Variants in DNM3 observed in about 807,000 individuals in gnomAD.
The protein encoded by DNM3 is dynamin-3.
Under a neutral mutation model 101.6 loss-of-function variants are expected in DNM3, and 47 were observed. That is an observed-to-expected ratio of 0.46 (90% CI 0.37 to 0.59). The LOEUF (loss-of-function observed/expected upper bound fraction) is 0.59. Ranked by LOEUF, DNM3 falls within the 20% of genes least tolerant of loss-of-function variation. The probability of loss-of-function intolerance (pLI) is 0.00; values close to 1 mark genes in which losing one functional copy is unlikely to be tolerated. For synonymous variants in DNM3, 385 were observed against 387.9 expected (o/e 0.99, Z 0.09); for missense variants, 849 against 1,085.7 (o/e 0.78, Z 3.06).
chr1:172,384,556 T>A (rs929592210), intron 18 of DNM3, among the ~76,000 whole-genome samples: 1 of 152,232 alleles, frequency 6.6e-6, no homozygotes, highest in Non-Finnish European at 1.5e-5. Context: ...ATCCACAGCC[T>A]ATGCTCTGAA....
Position 172,411,336 on chromosome 1 carries a change from A to T in DNM3, c.*3495A>T. 3 of 985,152 alleles carry T rather than the reference A, an allele frequency of 3.0e-6. No individual in the cohort carries two copies. The highest frequency in any genetic ancestry group is 3.6e-6 in the Non-Finnish European group (3 of 829,692). 61.0% of individuals were successfully genotyped at this position (985,152 alleles called of 1,614,324 possible). On this transcript the variant is annotated 3_prime_UTR_variant, in exon 21 of 21. Coordinates refer to ENST00000627582, the MANE Select transcript of DNM3 (RefSeq NM_015569.5). Reference sequence around the variant, plus strand: ...TTACCATGACAACATGGTAATGTCCATAGACATTTGTATCTGAATCCACAA... The same window carrying T: ...TTACCATGACAACATGGTAATGTCCTTAGACATTTGTATCTGAATCCACAA...
chr1:172,303,427 G>C (rs2064577549), intron 15 of DNM3, among the ~76,000 whole-genome samples: 1 of 152,158 alleles, frequency 6.6e-6, no homozygotes, highest in Non-Finnish European at 1.5e-5. Context: ...GAAAGTGATG[G>C]GAGAATGGAA....
intron 11 of DNM3, among the ~76,000 whole-genome samples, chr1:172,075,115 C>A (rs1055535369): frequency 2.6e-5 from 4 of 151,462 alleles, no homozygotes; most frequent in African/African-American, 7.3e-5. Flanking sequence ...GCATAAATGT[C>A]TTCTTTTGAG....
At chr1:172,052,814 TC>T (rs1426353062) in intron 10 of DNM3, among the ~76,000 whole-genome samples, 3 of 152,164 alleles carry the variant, frequency 2.0e-5, no homozygotes, top group African/African-American at 7.2e-5. Context: ...CCTTGACAGA[TC>T]ATGTCTGTAA....
chr1:172,038,217 A>C, intron 6 of DNM3, 102 bp from the exon 7 acceptor site: 2 of 1,444,958 alleles, frequency 1.4e-6, no homozygotes, highest in Non-Finnish European at 1.9e-6. Flanking sequence ...ATTTTGAATT[A>C]TTAGAAAAAC....
chr1:172,206,268 G>A (rs1249883375), intron 14 of DNM3, among the ~76,000 whole-genome samples: 1 of 152,122 alleles, frequency 6.6e-6, no homozygotes, highest in Non-Finnish European at 1.5e-5. Context: ...ACCACAGCTT[G>A]TGATACATTT....
intron 7 of DNM3, 136 bp downstream of exon 7, chr1:172,038,597 C>G: frequency 8.6e-7 from 1 of 1,161,776 alleles, no homozygotes. Flanking sequence ...TACAAGATAA[C>G]TCTTGAATTT....
Position 172,388,578 on chromosome 1 carries a change from C to T in DNM3, c.2291C>T (p.Pro764Leu), listed in dbSNP as rs146824554. The T allele has an allele frequency of 3.1e-6, 5 of 1,613,626 alleles. No individual in the cohort carries two copies. The Admixed American group carries it at 8.3e-5, about 27-fold the overall frequency. Residue 764 changes from proline to leucine, a missense_variant, in exon 20 of 21, where the codon CCT (proline) becomes CTT (leucine). Physicochemically the swap from Pro to Leu is moderately conservative, Grantham distance 98. Transcript: ENST00000627582. ...TGATTTCTCTTTTTCCTCAGGTCAC[C>T]TCCTCCAAGCCCCACAACCCAAAGG... is the stretch of plus-strand genomic sequence containing the variant. ...DSWIQHSRRS[P>L]PPSPTTQRRP...
chr1:172,289,713 G>T, intron 15 of DNM3: 1 of 984,690 alleles, frequency 1.0e-6, no homozygotes, highest in Non-Finnish European at 1.2e-6. Context: ...TCTGAATAGA[G>T]TTTTGGTTGC....
At chr1:172,261,171 T>C (rs565633520) in intron 15 of DNM3, among the ~76,000 whole-genome samples, 57 of 152,354 alleles carry the variant, frequency 3.7e-4, no homozygotes, top group Non-Finnish European at 7.8e-4. Context: ...TTTCAAGGTG[T>C]CAAATATTCT....
At chr1:172,189,713 G>A (rs2148429843) in intron 14 of DNM3, among the ~76,000 whole-genome samples, 1 of 152,126 alleles carries the variant, frequency 6.6e-6, no homozygotes, top group Admixed American at 6.6e-5. Context: ...TCAATTCACA[G>A]TTCTGCAGGC....
intron 12 of DNM3, among the ~76,000 whole-genome samples, chr1:172,082,531 AC>A (rs2053237203): frequency 1.3e-5 from 2 of 152,108 alleles, no homozygotes; most frequent in South Asian, 4.1e-4. Context: ...CATTAGTGAA[AC>A]CAGTTTTTGA....
intron 17 of DNM3, among the ~76,000 whole-genome samples, chr1:172,360,103 A>C (rs1417108725): frequency 6.6e-6 from 1 of 152,050 alleles, no homozygotes; most frequent in Non-Finnish European, 1.5e-5. Flanking sequence ...AAAAGTGTAC[A>C]TATTAGTATT....
chr1:172,047,856 G>T (rs2049928110), intron 9 of DNM3, among the ~76,000 whole-genome samples: 1 of 152,130 alleles, frequency 6.6e-6, no homozygotes, highest in African/African-American at 2.4e-5. Flanking sequence ...AGGACCCAGT[G>T]CCAAAGCCTG....
chr1:171,872,424 G>C (rs1026162532), intron 1 of DNM3, among the ~76,000 whole-genome samples: 9 of 152,138 alleles, frequency 5.9e-5, no homozygotes, highest in African/African-American at 1.7e-4. Flanking sequence ...GATAGAAACT[G>C]TGCCATATAC....
intron 10 of DNM3, among the ~76,000 whole-genome samples, chr1:172,064,060 G>A (rs1412235545): frequency 6.6e-6 from 1 of 152,114 alleles, no homozygotes. Flanking sequence ...TATAAACTGA[G>A]CATGGAGCTG....
chr1:172,030,300 AG>A (rs1332877816), intron 4 of DNM3, among the ~76,000 whole-genome samples: 1 of 152,192 alleles, frequency 6.6e-6, no homozygotes, highest in African/African-American at 2.4e-5. Flanking sequence ...AAAACAAGCA[AG>A]GGGGAAAGGA....
At chr1:172,147,063 G>A (rs1011493226) in intron 14 of DNM3, among the ~76,000 whole-genome samples, 1 of 152,088 alleles carries the variant, frequency 6.6e-6, no homozygotes, top group African/African-American at 2.4e-5. Flanking sequence ...ATCTCCTTGA[G>A]TTTCCAGTTA....
At chr1:172,058,252 T>C (rs983693227) in intron 10 of DNM3, among the ~76,000 whole-genome samples, 2 of 151,874 alleles carry the variant, frequency 1.3e-5, no homozygotes, top group African/African-American at 4.8e-5. Flanking sequence ...AATGGGAGAC[T>C]TTAACACCCC....
Sources: gnomAD v4.1 joint callset for allele counts (sites outside exome capture counted in the v4.1 genomes callset) on GRCh38, gnomAD v4.1.1 for gene constraint, MANE v1.5 for transcripts, NCBI Gene and HGNC (gene_info 2026-07-23, HGNC 2026-07-21) for gene names.